CPEB3: variants seen among roughly 807,000 people sequenced by gnomAD.
The protein encoded by CPEB3 is cytoplasmic polyadenylation element-binding protein 3.
Under a neutral mutation model 67.2 loss-of-function variants are expected in CPEB3, and 20 were observed. The observed-to-expected ratio is 0.30, with a 90% CI of 0.21 to 0.43. The LOEUF (loss-of-function observed/expected upper bound fraction) is 0.43. Among genes scored for constraint, CPEB3 ranks in the 20% least tolerant of loss-of-function variants. The pLI, the probability that CPEB3 is intolerant of heterozygous loss-of-function variation, is 1.00. For synonymous variants in CPEB3, 376 were observed against 393.1 expected (o/e 0.96, Z 0.51); for missense variants, 746 against 968.6 (o/e 0.77, Z 3.05).
Position 92,100,521 on chromosome 10 carries a change from C to A in CPEB3, c.1573-8577G>T, listed in dbSNP as rs946607047. On this transcript the variant is annotated intron_variant, in intron 7 of 9. Coordinates refer to ENST00000265997, the MANE Select transcript of CPEB3 (RefSeq NM_014912.5). Reference sequence around the variant, plus strand: ...GAACTCCTGACCTCAGGTGATCCGCCCACCTCAGCCTCACAAAGTGCTGGG... The same window carrying A: ...GAACTCCTGACCTCAGGTGATCCGCACACCTCAGCCTCACAAAGTGCTGGG... Among the ~76,000 whole-genome samples, 7 of 152,166 alleles carry A rather than the reference C, an allele frequency of 4.6e-5. No homozygotes were observed. In the South Asian group the frequency reaches 8.3e-4, roughly 18 times the overall value.
chr10:92,264,172 A>G (rs2134925858), intron 1 of CPEB3, among the ~76,000 whole-genome samples: 1 of 152,154 alleles, frequency 6.6e-6, no homozygotes, highest in South Asian at 2.1e-4. Flanking sequence ...CTACAAAAAT[A>G]TAAAAATTAG....
At chr10:92,088,428 T>C (rs1216489826) in intron 8 of CPEB3, among the ~76,000 whole-genome samples, 2 of 152,064 alleles carry the variant, frequency 1.3e-5, no homozygotes, top group Admixed American at 6.6e-5. Context: ...GGTTTCACCA[T>C]GTTGCCCAGG....
rs535619991 is a variant in CPEB3, at chr10:92,289,933, G to C, written c.-12+993C>G. Among the ~76,000 whole-genome samples, 65 of 125,366 alleles carry C rather than the reference G, an allele frequency of 5.2e-4. 2 individuals are homozygous for C. Among genetic ancestry groups the C allele is most frequent in the African/African-American group, 2.3e-3 (63 of 27,374 alleles). The allele number at this position is 125,366 out of a possible 152,430, so 82.2% of individuals were successfully genotyped here. A position where few individuals can be genotyped will look rare whatever the true frequency, so the allele number is the denominator to read the frequency against. ...GTGTGTGTGTATGTGTGTGGTGGGG[G>C]GGGGTGGGTGCTGTTTCTCAAAAAC... On this transcript the variant is annotated intron_variant, in intron 1 of 9. Coordinates refer to ENST00000265997, the MANE Select transcript of CPEB3 (RefSeq NM_014912.5).
chr10:92,278,506 A>G (rs1842098920), intron 1 of CPEB3, among the ~76,000 whole-genome samples: 1 of 151,574 alleles, frequency 6.6e-6, no homozygotes, highest in Non-Finnish European at 1.5e-5. Context: ...TTTTCCTTTC[A>G]TATCTGGATT....
At chr10:92,123,056 G>T (rs112930740) in intron 6 of CPEB3, among the ~76,000 whole-genome samples, 22 of 152,266 alleles carry the variant, frequency 1.4e-4, no homozygotes, top group African/African-American at 4.6e-4. Context: ...CAGCAGGGGT[G>T]GGAATAGTTG....
intron 2 of CPEB3, among the ~76,000 whole-genome samples, chr10:92,205,470 CTTTTTTTTT>C (rs34029695): frequency 2.2e-5 from 2 of 91,020 alleles, no homozygotes; most frequent in Non-Finnish European, 4.0e-5. Context: ...AAATTCAGTC[CTTTTTTTTT>C]TTTTTTTTTT....
At chr10:92,121,134 G>A (rs910786396) in intron 6 of CPEB3, among the ~76,000 whole-genome samples, 18 of 151,684 alleles carry the variant, frequency 1.2e-4, no homozygotes, top group East Asian at 3.9e-4. Context: ...TCAGCCTCCC[G>A]ATTAGCTGGG....
intron 2 of CPEB3, among the ~76,000 whole-genome samples, chr10:92,226,898 G>T (rs1851004578): frequency 6.6e-6 from 1 of 151,738 alleles, no homozygotes; most frequent in Non-Finnish European, 1.5e-5. Context: ...AGGGAGGGGG[G>T]AGCGAACCCA....
At position 92,102,799 on chromosome 10, in the gene CPEB3, G is replaced by C. The variant is rs117450382; in HGVS notation, c.1572+8277C>G. 1.1e-3 allele frequency among the ~76,000 whole-genome samples: 163 copies of C among 152,226 alleles called. 3 individuals are homozygous for C. The East Asian group carries it at 0.03, about 28-fold the overall frequency. ...CATCTGCGTACTCTGCCCTTTGAGC[G>C]CTCTCCCCGTCACAACTACTCCCTC... On this transcript the variant is annotated intron_variant, in intron 7 of 9. Transcript: ENST00000265997.
rs941021135 is a variant in CPEB3 at position 92,277,237 on chromosome 10, T to C, written c.-12+13689A>G. ...TCTAATCCCTGGTCATGTAGATTTA[T>C]GCCTATGTTTACTTCTAAGAGTTAT... On this transcript the variant is annotated intron_variant, in intron 1 of 9. Transcript: ENST00000265997. 2.0e-5 allele frequency among the ~76,000 whole-genome samples: 3 copies of C among 152,362 alleles called. No individual in the cohort carries two copies. In the South Asian group the frequency reaches 6.2e-4, roughly 32 times the overall value.
At position 92,052,058 on chromosome 10, in the gene CPEB3, AAATAAT is replaced by A. The variant is rs754890583; in HGVS notation, c.*148_*153del. ...ACACTGAGTTCAGTAATATGACTGT[AAATAAT>A]AATAATAATAATAAAAAGACCCAAT... On this transcript the variant is annotated 3_prime_UTR_variant, in exon 10 of 10. Transcript: ENST00000265997. The A allele has an allele frequency of 5.1e-5, 30 of 591,636 alleles. 1 individual carries two copies. Among genetic ancestry groups the A allele is most frequent in the African/African-American group, 1.1e-4 (6 of 53,836 alleles). 36.6% of individuals were successfully genotyped at this position (591,636 alleles called of 1,614,324 possible). A position where few individuals can be genotyped will look rare whatever the true frequency, so the allele number is the denominator to read the frequency against.
chr10:92,110,217 T>C (rs771183362), intron 7 of CPEB3, among the ~76,000 whole-genome samples: 1 of 152,218 alleles, frequency 6.6e-6, no homozygotes, highest in African/African-American at 2.4e-5. Context: ...ACATTTCCAG[T>C]GCTAGTCATA....
At chr10:92,290,438 T>C (rs1842808907) in intron 1 of CPEB3, among the ~76,000 whole-genome samples, 1 of 151,706 alleles carries the variant, frequency 6.6e-6, no homozygotes, top group African/African-American at 2.4e-5. Flanking sequence ...CAAACATCCC[T>C]GACAACCCAC....
intron 8 of CPEB3, among the ~76,000 whole-genome samples, chr10:92,081,831 G>A (rs2133218550): frequency 6.6e-6 from 1 of 152,278 alleles, no homozygotes; most frequent in African/African-American, 2.4e-5. Context: ...AATGCACCCT[G>A]GGTAGGCAAG....
In CPEB3 at chr10:92,191,231, A is replaced by G. The variant is rs1848966987; in HGVS notation, c.1165+1246T>C. On this transcript the variant is annotated intron_variant, in intron 3 of 9. Transcript: ENST00000265997. ...AGCCTGGCCAACATGATGAAATCCC[A>G]TCTCTATTAAAAATACAAAAACCAG... is the stretch of plus-strand genomic sequence containing the variant. 5.3e-5 allele frequency among the ~76,000 whole-genome samples: 8 copies of G among 151,960 alleles called. 2 individuals carry two copies. In the South Asian group the frequency reaches 1.5e-3, roughly 28 times the overall value.
At chr10:92,070,423 T>A (rs1842709972) in intron 9 of CPEB3, among the ~76,000 whole-genome samples, 1 of 152,176 alleles carries the variant, frequency 6.6e-6, no homozygotes, top group African/African-American at 2.4e-5. Flanking sequence ...TTGTAGGGAC[T>A]TTTTCCCTAG....
chr10:92,149,960 C>G (rs745550538), intron 4 of CPEB3, among the ~76,000 whole-genome samples: 2 of 152,160 alleles, frequency 1.3e-5, no homozygotes, highest in Non-Finnish European at 2.9e-5. Context: ...TGGGAAATAT[C>G]CAAGTTCAAT....
At chr10:92,228,089 T>C (rs139915710) in intron 2 of CPEB3, among the ~76,000 whole-genome samples, 2,202 of 152,092 alleles carry the variant, frequency 0.014, 56 homozygotes, top group African/African-American at 0.05. Flanking sequence ...GCTCTCACCA[T>C]GTTTGCCAGC....
At chr10:92,198,713 G>C (rs1367238478) in intron 2 of CPEB3, among the ~76,000 whole-genome samples, 1 of 152,200 alleles carries the variant, frequency 6.6e-6, no homozygotes, top group Non-Finnish European at 1.5e-5. Context: ...CTGCAGAGTA[G>C]GTATTATCTC....
Sources: gnomAD v4.1 joint callset for allele counts (sites outside exome capture counted in the v4.1 genomes callset) on GRCh38, gnomAD v4.1.1 for gene constraint, MANE v1.5 for transcripts, NCBI Gene and HGNC (gene_info 2026-07-23, HGNC 2026-07-21) for gene names.